Variants in CFAP61 observed in about 807,000 individuals in gnomAD.
CFAP61 encodes the protein cilia- and flagella-associated protein 61.
CFAP61 carries 107 observed loss-of-function variants against 135.6 expected under a neutral mutation model. The observed-to-expected ratio is 0.79, with a 90% CI of 0.67 to 0.93. CFAP61 has a LOEUF of 0.93. Ranked by LOEUF, CFAP61 falls within the 40% of genes least tolerant of loss-of-function variation. The probability of loss-of-function intolerance (pLI) is 0.00; values close to 1 mark genes in which losing one functional copy is unlikely to be tolerated. For missense variants in CFAP61, 1,507 were observed against 1,556.2 expected (o/e 0.97, Z 0.53); for synonymous variants, 575 against 578.5 (o/e 0.99, Z 0.09).
At chr20:20,162,337 G>A (rs921994432) in intron 10 of CFAP61, among the ~76,000 whole-genome samples, 7 of 152,172 alleles carry the variant, frequency 4.6e-5, no homozygotes, top group African/African-American at 1.7e-4. Flanking sequence ...GCAGGGACTA[G>A]TACCTGTAAC....
At chr20:20,054,122 A>G (rs1316161414) in intron 1 of CFAP61, among the ~76,000 whole-genome samples, 1 of 148,128 alleles carries the variant, frequency 6.8e-6, no homozygotes, top group Non-Finnish European at 1.5e-5. Flanking sequence ...CCCAGCATTT[A>G]ATCTTGTATT....
chr20:20,261,247 A>G (rs1601688412), intron 20 of CFAP61, among the ~76,000 whole-genome samples: 2 of 152,218 alleles, frequency 1.3e-5, no homozygotes, highest in Admixed American at 6.5e-5. Context: ...TACAATTTCT[A>G]TTGAGGAAGT....
At chr20:20,068,749 CTT>C (rs2045497466) in intron 2 of CFAP61, among the ~76,000 whole-genome samples, 1 of 152,060 alleles carries the variant, frequency 6.6e-6, no homozygotes, top group South Asian at 2.1e-4. Flanking sequence ...AGTTACCTTC[CTT>C]TTTATTTCTT....
intron 18 of CFAP61, among the ~76,000 whole-genome samples, chr20:20,236,736 C>T (rs2146961229): frequency 6.6e-6 from 1 of 152,312 alleles, no homozygotes; most frequent in East Asian, 1.9e-4. Flanking sequence ...TCTTCTTCAT[C>T]CTCCCCAACC....
At chr20:20,136,389 AT>A (rs1405132867) in intron 8 of CFAP61, among the ~76,000 whole-genome samples, 3 of 151,740 alleles carry the variant, frequency 2.0e-5, no homozygotes, top group Non-Finnish European at 4.4e-5. Flanking sequence ...CTTTGAGGCT[AT>A]TTTCTAGACC....
Position 20,360,221 on chromosome 20 carries a change from TC to T in CFAP61, c.3527del (p.Pro1176LeufsTer3). The T allele has an allele frequency of 6.2e-7, 1 of 1,611,938 alleles. No individual in the cohort carries two copies. Among genetic ancestry groups the T allele is most frequent in the Non-Finnish European group, 8.5e-7 (1 of 1,178,010 alleles). ...ILASKEEEDL[P>X]SIEQLAHQIE... Reference sequence around the variant, plus strand: ...ACTGTGTTTTACAGGAGGAAGATCTTCCTTCCATAGAGCAGTTAGCCCATCA... The same window carrying T: ...ACTGTGTTTTACAGGAGGAAGATCTTCTTCCATAGAGCAGTTAGCCCATCA... On this transcript the variant is annotated frameshift_variant, in exon 27 of 27. Coordinates refer to ENST00000245957, the MANE Select transcript of CFAP61 (RefSeq NM_015585.4). LOFTEE classifies it high-confidence loss of function.
intron 1 of CFAP61, 90 bp downstream of exon 1, chr20:20,052,681 A>T: frequency 6.2e-7 from 1 of 1,613,028 alleles, no homozygotes; most frequent in South Asian, 1.1e-5. Context: ...CGGAACTGGG[A>T]TGACCAGGCG....
intron 14 of CFAP61, among the ~76,000 whole-genome samples, chr20:20,189,459 G>A (rs1207815108): frequency 4.1e-5 from 5 of 123,224 alleles, no homozygotes; most frequent in African/African-American, 6.3e-5. Context: ...CTGTACTTAC[G>A]ACGCATAAGT....
At chr20:20,092,681 C>CT (rs1277571802) in intron 7 of CFAP61, among the ~76,000 whole-genome samples, 5 of 94,674 alleles carry the variant, frequency 5.3e-5, no homozygotes, top group African/African-American at 2.0e-4. Flanking sequence ...CGAATAGACA[C>CT]TTTTAAAAAA....
chr20:20,261,629 C>A (rs1367598196), intron 20 of CFAP61, among the ~76,000 whole-genome samples: 3 of 152,120 alleles, frequency 2.0e-5, no homozygotes, highest in African/African-American at 7.2e-5. Context: ...TTGGTTTTTG[C>A]AATGACACTT....
intron 25 of CFAP61, among the ~76,000 whole-genome samples, chr20:20,341,010 T>C (rs1602099280): frequency 6.6e-6 from 1 of 151,706 alleles, no homozygotes; most frequent in Admixed American, 6.6e-5. Flanking sequence ...AAACGGAAGG[T>C]GCCCATTCAC....
chr20:20,166,568 A>C, intron 12 of CFAP61, 132 bp downstream of exon 12: 2 of 680,176 alleles, frequency 2.9e-6, no homozygotes, highest in Non-Finnish European at 2.5e-6. Flanking sequence ...ATGGCATGTC[A>C]TGAGCTCATA....
chr20:20,063,275 T>G (rs2044953219), intron 2 of CFAP61, among the ~76,000 whole-genome samples: 1 of 151,938 alleles, frequency 6.6e-6, no homozygotes, highest in Non-Finnish European at 1.5e-5. Flanking sequence ...ACAAAGACAG[T>G]ACAAGAAAGG....
At chr20:20,266,302 C>A (rs2052738454) in intron 21 of CFAP61, among the ~76,000 whole-genome samples, 1 of 152,198 alleles carries the variant, frequency 6.6e-6, no homozygotes. Flanking sequence ...GCCTAGTGAT[C>A]TTTCCAGAAC....
At position 20,339,725 on chromosome 20, in the gene CFAP61, C is replaced by T. The variant is rs111917252; in HGVS notation, c.3423-2106C>T. Among the ~76,000 whole-genome samples the T allele has an allele frequency of 1.2e-3, 182 of 152,196 alleles. 1 individual carries two copies. The highest frequency in any genetic ancestry group is 4.1e-3 in the African/African-American group (170 of 41,522). ...CTTGAACTCCTGGTCTCAAGTGATCCTCCTACCTTGGCCTCCCAAAGTGCT... is the reference window on the plus strand; with the variant it reads ...CTTGAACTCCTGGTCTCAAGTGATCTTCCTACCTTGGCCTCCCAAAGTGCT... On this transcript the variant is annotated intron_variant, in intron 25 of 26. Coordinates refer to ENST00000245957, the MANE Select transcript of CFAP61 (RefSeq NM_015585.4).
chr20:20,198,818 T>C (rs1399846146), intron 16 of CFAP61, among the ~76,000 whole-genome samples: 3 of 152,228 alleles, frequency 2.0e-5, no homozygotes, highest in Non-Finnish European at 4.4e-5. Context: ...GGGCTATTTT[T>C]AGAACTGCAA....
chr20:20,120,847 C>T (rs1338576802), intron 8 of CFAP61, among the ~76,000 whole-genome samples: 2 of 152,064 alleles, frequency 1.3e-5, no homozygotes, highest in African/African-American at 4.8e-5. Flanking sequence ...ATTGTTATAT[C>T]CTGTTGATGG....
chr20:20,205,072 T>C (rs996051126), intron 17 of CFAP61, among the ~76,000 whole-genome samples: 3 of 152,044 alleles, frequency 2.0e-5, no homozygotes, highest in Admixed American at 1.3e-4. Flanking sequence ...TAATATAATA[T>C]GTTATATATT....
chr20:20,230,034 T>TACC (rs73619882), intron 18 of CFAP61, among the ~76,000 whole-genome samples: 1 of 152,146 alleles, frequency 6.6e-6, no homozygotes, highest in East Asian at 1.9e-4. Context: ...GTTAAGAAGT[T>TACC]ATAAACAGGT....
Sources: gnomAD v4.1 joint callset for allele counts (sites outside exome capture counted in the v4.1 genomes callset) on GRCh38, gnomAD v4.1.1 for gene constraint, MANE v1.5 for transcripts, NCBI Gene and HGNC (gene_info 2026-07-23, HGNC 2026-07-21) for gene names.